The following TXNDC5 variants were observed in gnomAD, a reference collection of about 807,000 sequenced individuals.
TXNDC5 encodes the protein thioredoxin domain-containing protein 5.
In TXNDC5, 44 loss-of-function variants were observed where a neutral mutation model predicts 52.6. The ratio of observed to expected loss-of-function variants is 0.84; its 90% CI spans 0.66 to 1.08. The LOEUF is 1.08. Ranked by LOEUF, TXNDC5 falls within the 50% of genes least tolerant of loss-of-function variation. The pLI is 0.00. For missense variants in TXNDC5, 600 were observed against 565.5 expected (o/e 1.06, Z -0.62); for synonymous variants, 241 against 234.4 (o/e 1.03, Z -0.26).
chr6:7,898,645 G>A (rs1450925649), intron 3 of TXNDC5, among the ~76,000 whole-genome samples: 1 of 152,096 alleles, frequency 6.6e-6, no homozygotes, highest in Admixed American at 6.5e-5. Context: ...GAACACGAGT[G>A]TTTTTCCAGT....
intron 3 of TXNDC5, among the ~76,000 whole-genome samples, chr6:7,898,929 A>G (rs1221440821): frequency 6.6e-6 from 1 of 152,208 alleles, no homozygotes; most frequent in African/African-American, 2.4e-5. Flanking sequence ...TAATGGTACA[A>G]AATGATGTTA....
At chr6:7,887,433 G>T (rs560855528) in intron 7 of TXNDC5, among the ~76,000 whole-genome samples, 1 of 150,154 alleles carries the variant, frequency 6.7e-6, no homozygotes, top group African/African-American at 2.4e-5. Context: ...CTCTGGCCCC[G>T]CCCCTGTGCT....
At chr6:7,890,297 A>C (rs1760146089) in intron 5 of TXNDC5, among the ~76,000 whole-genome samples, 1 of 152,222 alleles carries the variant, frequency 6.6e-6, no homozygotes, top group African/African-American at 2.4e-5. Flanking sequence ...CTATGTCAGC[A>C]AACGGGGGTA....
At chr6:7,900,723 A>T (rs1012800553) in intron 2 of TXNDC5, among the ~76,000 whole-genome samples, 1 of 152,176 alleles carries the variant, frequency 6.6e-6, no homozygotes, top group African/African-American at 2.4e-5. Flanking sequence ...GTGCCAGCAG[A>T]GTCAGTGTCT....
At chr6:7,895,575 G>A (rs1760342615) in intron 3 of TXNDC5, among the ~76,000 whole-genome samples, 2 of 152,210 alleles carry the variant, frequency 1.3e-5, no homozygotes, top group Admixed American at 6.5e-5. Flanking sequence ...ACTTCACAAA[G>A]AATACAAAAT....
Position 7,884,351 on chromosome 6 carries a change from G to C in TXNDC5, c.1176+8C>G, listed in dbSNP as rs1284343886. On this transcript the variant is annotated splice_region_variant and intron_variant, in intron 9 of 9. Coordinates refer to ENST00000379757, the MANE Select transcript of TXNDC5 (RefSeq NM_030810.5). ...AGAGCTCCCATAAGCATCCATCCAAGTACCCACCGAATACTTGCTGCAGAT... is the reference window on the plus strand; with the variant it reads ...AGAGCTCCCATAAGCATCCATCCAACTACCCACCGAATACTTGCTGCAGAT... 5 of 1,613,928 alleles carry C rather than the reference G, an allele frequency of 3.1e-6. No individual in the cohort carries two copies. The South Asian group carries it at 5.5e-5, about 18-fold the overall frequency.
At chr6:7,908,012 C>G (rs890631272) in intron 1 of TXNDC5, among the ~76,000 whole-genome samples, 8 of 152,146 alleles carry the variant, frequency 5.3e-5, no homozygotes, top group Non-Finnish European at 1.0e-4. Flanking sequence ...ATGCCAGGTG[C>G]GGTGGCTTAC....
intron 5 of TXNDC5, among the ~76,000 whole-genome samples, chr6:7,890,543 A>T (rs440817): frequency 0.38 from 58,217 of 152,074 alleles, 12,676 homozygotes; most frequent in East Asian, 0.65. Flanking sequence ...CTCCCATAAA[A>T]TTTCATACAA....
At chr6:7,893,975 T>C (rs1240069428) in intron 4 of TXNDC5, among the ~76,000 whole-genome samples, 3 of 152,384 alleles carry the variant, frequency 2.0e-5, no homozygotes, top group East Asian at 3.9e-4. Context: ...GGGAGACTTA[T>C]GTATTCACAC....
At chr6:7,891,038 T>C (rs1301943450) in intron 5 of TXNDC5, among the ~76,000 whole-genome samples, 2 of 152,234 alleles carry the variant, frequency 1.3e-5, no homozygotes, top group East Asian at 1.9e-4. Flanking sequence ...AGGAAATCTA[T>C]GCATGGTGTC....
chr6:7,882,390 T>A lies in TXNDC5; in HGVS notation c.*754A>T, dbSNP rs1462799200. 1.3e-5 allele frequency: 2 copies of A among 152,266 alleles called. No homozygotes were observed. Among genetic ancestry groups the A allele is most frequent in the African/African-American group, 4.8e-5 (2 of 41,460 alleles). 9.4% of individuals were successfully genotyped at this position (152,266 alleles called of 1,614,324 possible). ...AAGACATCCAACAGTTCATGTGGGC[T>A]CTGGCTTCGTGTTAACATGAGGAAC... On this transcript the variant is annotated 3_prime_UTR_variant, in exon 10 of 10. Transcript: ENST00000379757.
rs771055489 is a variant in TXNDC5 at position 7,895,167 on chromosome 6, G to A, written c.555C>T (p.Pro185=). 34 of 1,613,340 alleles carry A rather than the reference G, an allele frequency of 2.1e-5. No homozygotes were observed. The Middle Eastern group carries it at 4.9e-4, about 23-fold the overall frequency. The part of the protein sequence containing the change: ...PEPEVEPPSA[P]ELKQGLYELS... ...GCTCATACAGCCCTTGCTTGAGCTC[G>A]GGGGCACTGGGCGGTTCCACTTCCG... The change falls in exon 4 of 10, where the codon CCC becomes CCT. Residue 185 remains proline (P), a synonymous_variant. Transcript: ENST00000379757.
intron 3 of TXNDC5, 130 bp downstream of exon 3, chr6:7,899,446 G>C (rs1379112107): frequency 1.3e-5 from 7 of 553,284 alleles, no homozygotes; most frequent in Non-Finnish European, 2.1e-5. Flanking sequence ...AAAAAAAGTA[G>C]AGTTGCTTTA....
At chr6:7,893,517 T>TA (rs1239218302) in intron 4 of TXNDC5, among the ~76,000 whole-genome samples, 4 of 151,454 alleles carry the variant, frequency 2.6e-5, no homozygotes, top group South Asian at 2.1e-4. Context: ...GTGACCCACT[T>TA]AGGGAGGCGC....
chr6:7,887,135 C>T (rs891866275), intron 7 of TXNDC5, among the ~76,000 whole-genome samples: 2 of 152,156 alleles, frequency 1.3e-5, no homozygotes, highest in Admixed American at 6.5e-5. Context: ...AGGCCATCCC[C>T]GACCTACAAG....
intron 8 of TXNDC5, among the ~76,000 whole-genome samples, chr6:7,885,001 T>C (rs545240326): frequency 4.1e-4 from 62 of 152,360 alleles, no homozygotes; most frequent in African/African-American, 1.4e-3. Context: ...TACCCGACTC[T>C]GTTCCCTTGT....
chr6:7,889,387 C>A, intron 6 of TXNDC5, 108 bp downstream of exon 6: 2 of 880,548 alleles, frequency 2.3e-6, no homozygotes, highest in South Asian at 1.8e-5. Context: ...AAACCAGTGC[C>A]CTAACAATCA....
rs144611399 is a variant in TXNDC5, at chr6:7,891,661, G to A, written c.692C>T (p.Ala231Val). ...AGTTTCGGAATGTTCAAGGCCCAGA[G>A]CCAGCTGCTCCCAGGTTGGAGCCAG... is the stretch of plus-strand genomic sequence containing the variant. ...KALAPTWEQL[A>V]LGLEHSETVK... Residue 231 changes from alanine (A) to valine (V), a missense_variant, in exon 5 of 10, where the codon GCT becomes GTT. Coordinates refer to ENST00000379757, the MANE Select transcript of TXNDC5 (RefSeq NM_030810.5). The A allele has an allele frequency of 6.8e-6, 11 of 1,613,926 alleles. No homozygotes were observed. In the African/African-American group the frequency reaches 1.2e-4, roughly 18 times the overall value.
rs976611394 is a variant in TXNDC5 at position 7,884,462 on chromosome 6, G to A, written c.1073C>T (p.Pro358Leu). The change falls in exon 9 of 10, where the codon CCT becomes CTT. Residue 358 changes from proline to leucine, a missense_variant. By Grantham distance (98) the Pro-to-Leu change is moderately conservative. Coordinates refer to ENST00000379757, the MANE Select transcript of TXNDC5 (RefSeq NM_030810.5). ...PWCGHCKTLA[P>L]TWEELSKKEF... ...CTTTTTAGAGAGTTCCTCCCAAGTA[G>A]GAGCCAGAGTCTTACAATGACCACA... 1.9e-6 allele frequency: 3 copies of A among 1,614,080 alleles called. No individual in the cohort carries two copies. In the African/African-American group the frequency reaches 4.0e-5, roughly 22 times the overall value.
Sources: allele counts gnomAD v4.1 joint callset (sites outside exome capture counted in the v4.1 genomes callset), GRCh38; gene constraint gnomAD v4.1.1; transcripts MANE v1.5; gene names NCBI Gene and HGNC (gene_info 2026-07-23, HGNC 2026-07-21).